KCNJ16: variants seen among roughly 807,000 people sequenced by gnomAD.
KCNJ16 encodes potassium inwardly rectifying channel subfamily J member 16, also known as inward rectifier potassium channel 16.
Under a neutral mutation model 18.5 loss-of-function variants are expected in KCNJ16, and 15 were observed. The ratio of observed to expected loss-of-function variants is 0.81; its 90% CI spans 0.54 to 1.25. KCNJ16 has a LOEUF of 1.25. Among genes scored for constraint, KCNJ16 ranks in the 50% most tolerant of loss-of-function variants. The probability of loss-of-function intolerance (pLI) is 0.00; values close to 1 mark genes in which losing one functional copy is unlikely to be tolerated. For synonymous variants in KCNJ16, 174 were observed against 186.5 expected, an observed-to-expected ratio of 0.93 and a Z score of 0.55; for missense variants, 523 against 525.7, an observed-to-expected ratio of 0.99 and a Z score of 0.05.
intron 1 of KCNJ16, among the ~76,000 whole-genome samples, chr17:70,095,413 A>C (rs907306833): frequency 6.6e-6 from 1 of 152,178 alleles, no homozygotes; most frequent in African/African-American, 2.4e-5. Flanking sequence ...ACCTAGAACC[A>C]ACCAGAAAAA....
At chr17:70,082,043 G>A (rs917259564) in intron 1 of KCNJ16, among the ~76,000 whole-genome samples, 1 of 152,138 alleles carries the variant, frequency 6.6e-6, no homozygotes, top group African/African-American at 2.4e-5. Context: ...TGGTTGATGT[G>A]CAGTGACTCG....
chr17:70,106,811 G>A (rs2072951144), intron 2 of KCNJ16, among the ~76,000 whole-genome samples: 1 of 152,200 alleles, frequency 6.6e-6, no homozygotes, highest in South Asian at 2.1e-4. Context: ...GGGCTGGCAT[G>A]AGGAGTCATG....
rs967057271 is a variant in KCNJ16, at chr17:70,134,300, T to C, written c.*956T>C. The C allele has an allele frequency of 6.0e-6, 1 of 166,506 alleles. No homozygotes were observed. Among genetic ancestry groups the C allele is most frequent in the African/African-American group, 2.4e-5 (1 of 41,328 alleles). The allele number at this position is 166,506 out of a possible 1,614,324, so 10.3% of individuals were successfully genotyped here. A position where few individuals can be genotyped will look rare whatever the true frequency, so the allele number is the denominator to read the frequency against. On this transcript the variant is annotated 3_prime_UTR_variant, in exon 4 of 4. Coordinates refer to ENST00000392671, the MANE Select transcript of KCNJ16 (RefSeq NM_170741.4). ...GCTGCTACAGAAAGGATAGAACCTTTTTGGGGGGAGGGTGGGGAGGGAGAT... is the reference window on the plus strand; with the variant it reads ...GCTGCTACAGAAAGGATAGAACCTTCTTGGGGGGAGGGTGGGGAGGGAGAT...
At chr17:70,110,482 G>GCACACACACACACA (rs34424075) in intron 2 of KCNJ16, among the ~76,000 whole-genome samples, 6 of 149,878 alleles carry the variant, frequency 4.0e-5, no homozygotes, top group South Asian at 4.2e-4. Flanking sequence ...CTTCGTGCGC[G>GCACACACACACACA]CACACACACA....
chr17:70,105,126 G>T (rs1357929465), intron 2 of KCNJ16: 2 of 152,282 alleles, frequency 1.3e-5, no homozygotes, highest in African/African-American at 2.4e-5. Context: ...CTAATTGCTT[G>T]TCGGCTCTTT....
chr17:70,088,209 A>G (rs1314610758), intron 1 of KCNJ16, among the ~76,000 whole-genome samples: 2 of 151,998 alleles, frequency 1.3e-5, no homozygotes, highest in Non-Finnish European at 2.9e-5. Context: ...GTAGAAGACG[A>G]TTTTTTTCAC....
intron 1 of KCNJ16, among the ~76,000 whole-genome samples, chr17:70,085,834 T>C (rs755977757): frequency 6.6e-6 from 1 of 152,170 alleles, no homozygotes; most frequent in Non-Finnish European, 1.5e-5. Flanking sequence ...TGTTCCAGCA[T>C]AAGAATTTGT....
At chr17:70,106,829 A>G (rs1412382822) in intron 2 of KCNJ16, among the ~76,000 whole-genome samples, 1 of 152,168 alleles carries the variant, frequency 6.6e-6, no homozygotes, top group East Asian at 1.9e-4. Flanking sequence ...ATGGGGGTCG[A>G]GAAGAAAGTT....
intron 1 of KCNJ16, among the ~76,000 whole-genome samples, chr17:70,083,913 A>T (rs2071673614): frequency 6.6e-6 from 1 of 152,182 alleles, no homozygotes; most frequent in African/African-American, 2.4e-5. Flanking sequence ...GAAGCCACCA[A>T]GATGAAATGA....
intron 1 of KCNJ16, among the ~76,000 whole-genome samples, chr17:70,100,041 A>T (rs574984689): frequency 3.9e-4 from 59 of 152,298 alleles, no homozygotes; most frequent in Middle Eastern, 6.8e-3. Context: ...TAGCAGTGAG[A>T]ACTTCAGACA....
intron 2 of KCNJ16, among the ~76,000 whole-genome samples, chr17:70,125,955 C>G (rs1454030577): frequency 1.3e-5 from 2 of 151,224 alleles, no homozygotes; most frequent in Admixed American, 1.3e-4. Flanking sequence ...AAATAGAAAA[C>G]AGAGGAATGA....
At chr17:70,097,566 C>G (rs1257667785) in intron 1 of KCNJ16, among the ~76,000 whole-genome samples, 1 of 152,092 alleles carries the variant, frequency 6.6e-6, no homozygotes, top group Non-Finnish European at 1.5e-5. Context: ...TGACTAAGAA[C>G]AGGCCCTCAT....
intron 2 of KCNJ16, among the ~76,000 whole-genome samples, chr17:70,113,641 G>C (rs1208677856): frequency 6.6e-6 from 1 of 152,086 alleles, no homozygotes; most frequent in Non-Finnish European, 1.5e-5. Flanking sequence ...CCATCAACAT[G>C]AATATTCCAG....
Position 70,133,171 on chromosome 17 carries a change from T to A in KCNJ16, c.1084T>A (p.Ser362Thr). ...HIEKAPPVRE[S>T]CTSDTKARRR... ...AGAAAAAGCACCACCAGTTCGAGAA[T>A]CCTGCACGTCGGACACCAAGGCGAG... The change falls in exon 4 of 4, where the codon TCC (serine) becomes ACC (threonine). Residue 362 changes from serine (S) to threonine (T), a missense_variant. By Grantham distance (58) the Ser-to-Thr change is moderately conservative. Coordinates refer to ENST00000392671, the MANE Select transcript of KCNJ16 (RefSeq NM_170741.4). 6.2e-7 allele frequency: 1 copy of A among 1,614,130 alleles called. No individual in the cohort carries two copies. The highest frequency in any genetic ancestry group is 8.5e-7 in the Non-Finnish European group (1 of 1,180,022).
At chr17:70,127,419 C>T (rs1055981045) in intron 2 of KCNJ16, among the ~76,000 whole-genome samples, 4 of 150,572 alleles carry the variant, frequency 2.7e-5, no homozygotes, top group African/African-American at 9.8e-5. Flanking sequence ...AGGCCTCAGG[C>T]TCCTGCATAA....
rs141022630 is a variant in KCNJ16, at chr17:70,117,719, T to A, written c.-190-13160T>A. Among the ~76,000 whole-genome samples, 986 of 152,344 alleles carry A rather than the reference T, an allele frequency of 6.5e-3. 14 individuals are homozygous for A. The highest frequency in any genetic ancestry group is 0.023 in the African/African-American group (941 of 41,584). Reference sequence around the variant, plus strand: ...TATTATTCAATTATTTATTCATCTATTTCTTCAAAATATAATTAGTAAGTG... The same window carrying A: ...TATTATTCAATTATTTATTCATCTAATTCTTCAAAATATAATTAGTAAGTG... On this transcript the variant is annotated intron_variant, in intron 2 of 3. Transcript: ENST00000392671.
rs900575410 is a variant in KCNJ16, at chr17:70,135,115, G to C, written c.*1771G>C. 6.1e-6 allele frequency: 1 copy of C among 164,158 alleles called. No homozygotes were observed. Among genetic ancestry groups the C allele is most frequent in the African/African-American group, 2.5e-5 (1 of 40,620 alleles). 10.2% of individuals were successfully genotyped at this position (164,158 alleles called of 1,614,324 possible). On this transcript the variant is annotated 3_prime_UTR_variant, in exon 4 of 4. Coordinates refer to ENST00000392671, the MANE Select transcript of KCNJ16 (RefSeq NM_170741.4). Reference sequence around the variant, plus strand: ...GATAAGAGATTTGTTCAGGTCAAAAGTTGCAAAACTGTTCTGAAGCTTAAT... The same window carrying C: ...GATAAGAGATTTGTTCAGGTCAAAACTTGCAAAACTGTTCTGAAGCTTAAT...
At chr17:70,116,145 TTC>T (rs1238927949) in intron 2 of KCNJ16, among the ~76,000 whole-genome samples, 16 of 152,152 alleles carry the variant, frequency 1.1e-4, no homozygotes, top group African/African-American at 3.1e-4. Context: ...TTGTATATGA[TTC>T]TGTTTTTTCT....
At chr17:70,127,356 T>C (rs2073889835) in intron 2 of KCNJ16, among the ~76,000 whole-genome samples, 1 of 151,986 alleles carries the variant, frequency 6.6e-6, no homozygotes, top group Non-Finnish European at 1.5e-5. Context: ...AAGAGTTCAG[T>C]GGCCGAATGA....
Sources: allele counts gnomAD v4.1 joint callset (sites outside exome capture counted in the v4.1 genomes callset), GRCh38; gene constraint gnomAD v4.1.1; transcripts MANE v1.5; gene names NCBI Gene and HGNC (gene_info 2026-07-23, HGNC 2026-07-21).